Variants in SEL1L3 observed in about 807,000 individuals in gnomAD.
The protein encoded by SEL1L3 is SEL1L family member 3, also known as protein sel-1 homolog 3.
Under a neutral mutation model 142.8 loss-of-function variants are expected in SEL1L3, and 76 were observed. The ratio of observed to expected loss-of-function variants is 0.53; its 90% CI spans 0.44 to 0.64. The LOEUF is 0.64. Among genes scored for constraint, SEL1L3 ranks in the 30% least tolerant of loss-of-function variants. The probability of loss-of-function intolerance (pLI) is 0.00; values close to 1 mark genes in which losing one functional copy is unlikely to be tolerated. For missense variants in SEL1L3, 1,262 were observed against 1,381.7 expected (o/e 0.91, Z 1.37); for synonymous variants, 504 against 519.6 (o/e 0.97, Z 0.41).
intron 1 of SEL1L3, among the ~76,000 whole-genome samples, chr4:25,859,051 C>T (rs1166790258): frequency 3.3e-5 from 5 of 152,170 alleles, no homozygotes; most frequent in East Asian, 1.9e-4. Flanking sequence ...GAGCTTAGAA[C>T]GAACAAAATT....
At chr4:25,781,498 CGTGGTGGTGCACGCCTGT>C (rs1312334648) in intron 15 of SEL1L3, among the ~76,000 whole-genome samples, 1 of 152,040 alleles carries the variant, frequency 6.6e-6, no homozygotes. Context: ...ATTAACCAGG[CGTGGTGGTGCACGCCTGT>C]AATCCCAGTT....
chr4:25,749,776 C>T (rs891789636), intron 23 of SEL1L3, among the ~76,000 whole-genome samples: 1 of 152,242 alleles, frequency 6.6e-6, no homozygotes, highest in Non-Finnish European at 1.5e-5. Flanking sequence ...GCCCAAACTG[C>T]AGCCCATGGG....
chr4:25,776,927 A>C (rs1719674976), intron 16 of SEL1L3, among the ~76,000 whole-genome samples: 1 of 152,116 alleles, frequency 6.6e-6, no homozygotes, highest in African/African-American at 2.4e-5. Context: ...TGACAAATAG[A>C]AAATAAACAG....
intron 3 of SEL1L3, among the ~76,000 whole-genome samples, chr4:25,834,559 G>C (rs1715664285): frequency 6.6e-6 from 1 of 152,182 alleles, no homozygotes; most frequent in African/African-American, 2.4e-5. Flanking sequence ...TATGCAAACA[G>C]ATGGTGCCAC....
chr4:25,729,500 G>T, the SEL1L3 span, among the ~76,000 whole-genome samples: 4 of 152,106 alleles, frequency 2.6e-5, no homozygotes, highest in Non-Finnish European at 4.4e-5. Flanking sequence ...GATCACCTGA[G>T]GTCAGGAGTT....
chr4:25,743,878 T>C (rs1045857192), downstream of SEL1L3, among the ~76,000 whole-genome samples: 9 of 152,136 alleles, frequency 5.9e-5, no homozygotes, highest in African/African-American at 2.2e-4. Context: ...TTGCCTTTAC[T>C]GTGCAGGGTT....
intron 23 of SEL1L3, among the ~76,000 whole-genome samples, chr4:25,748,862 G>A (rs1717411586): frequency 6.6e-6 from 1 of 152,160 alleles, no homozygotes; most frequent in African/African-American, 2.4e-5. Flanking sequence ...TGGCTTTTCT[G>A]GATATATGCG....
chr4:25,801,950 A>T (rs1336024226), intron 11 of SEL1L3, among the ~76,000 whole-genome samples: 2 of 152,160 alleles, frequency 1.3e-5, no homozygotes, highest in Non-Finnish European at 2.9e-5. Flanking sequence ...TCACCATCTC[A>T]TAGGGTATTG....
In SEL1L3 at chr4:25,862,917, C is replaced by T; in HGVS notation, c.-81G>A. 3.1e-6 allele frequency: 3 copies of T among 962,206 alleles called. No homozygotes were observed. Among genetic ancestry groups the T allele is most frequent in the Non-Finnish European group, 3.7e-6 (3 of 807,880 alleles). 59.6% of individuals were successfully genotyped at this position (962,206 alleles called of 1,614,324 possible). On this transcript the variant is annotated 5_prime_UTR_variant, in exon 1 of 24. Coordinates refer to ENST00000399878, the MANE Select transcript of SEL1L3 (RefSeq NM_015187.5). ...CCGCCCGAGGCGCCACCTTCCCGCC[C>T]GCCCCCGGCCGGGCCGGCCGCCGCG... is the stretch of plus-strand genomic sequence containing the variant.
At chr4:25,727,557 A>T in the SEL1L3 span, among the ~76,000 whole-genome samples, 1 of 152,128 alleles carries the variant, frequency 6.6e-6, no homozygotes, top group African/African-American at 2.4e-5. Context: ...TGAAGGCAGG[A>T]CCTTCATATA....
intron 1 of SEL1L3, among the ~76,000 whole-genome samples, chr4:25,855,490 T>A (rs1208824527): frequency 6.6e-6 from 1 of 152,182 alleles, no homozygotes; most frequent in Non-Finnish European, 1.5e-5. Flanking sequence ...GCACGGTGGC[T>A]CATGCCTGTA....
In SEL1L3 at chr4:25,788,395, C is replaced by T. The variant is rs372629113; in HGVS notation, c.2077-31G>A. ...AGATAATAGCAATTTAGAACAATGA[C>T]TTTTCCTGTATAATGCTTAACACAA... On this transcript the variant is annotated intron_variant, in intron 12 of 23. Transcript: ENST00000399878. The surrounding 1 kb of genome is among the most constrained non-coding windows in gnomAD (Gnocchi z 5.3). 4 of 1,611,500 alleles carry T rather than the reference C, an allele frequency of 2.5e-6. No homozygotes were observed. In the African/African-American group the frequency reaches 4.0e-5, roughly 16 times the overall value.
the SEL1L3 span, among the ~76,000 whole-genome samples, chr4:25,738,717 T>A: frequency 6.6e-6 from 1 of 152,238 alleles, no homozygotes; most frequent in African/African-American, 2.4e-5. Flanking sequence ...CTTCAGTTCA[T>A]GGCACATCAT....
chr4:25,781,347 G>A (rs1460635331), intron 15 of SEL1L3, among the ~76,000 whole-genome samples: 5 of 152,020 alleles, frequency 3.3e-5, no homozygotes, highest in Admixed American at 6.6e-5. Context: ...TAAATGTAGC[G>A]GAGCTCAGGA....
chr4:25,717,543 G>A, the SEL1L3 span, among the ~76,000 whole-genome samples: 4 of 152,266 alleles, frequency 2.6e-5, no homozygotes, highest in East Asian at 3.9e-4. Flanking sequence ...GCAGATGCCT[G>A]TAGTCCCAGC....
At chr4:25,784,348 C>A in intron 13 of SEL1L3, 58 bp from the exon 14 acceptor site, 1 of 1,297,242 alleles carries the variant, frequency 7.7e-7, no homozygotes. Context: ...TGCACACATA[C>A]AGACACTTTA....
chr4:25,787,999 A>G (rs1392938324), intron 13 of SEL1L3, among the ~76,000 whole-genome samples: 1 of 152,234 alleles, frequency 6.6e-6, no homozygotes, highest in East Asian at 1.9e-4. Flanking sequence ...TTGCGAAAGC[A>G]CAGAGAATCC....
At chr4:25,727,139 G>A in the SEL1L3 span, among the ~76,000 whole-genome samples, 5 of 151,172 alleles carry the variant, frequency 3.3e-5, no homozygotes, top group African/African-American at 7.3e-5. Context: ...TGCAACCTCC[G>A]CCTCCCGGGT....
the SEL1L3 span, among the ~76,000 whole-genome samples, chr4:25,725,427 T>C: frequency 6.6e-6 from 1 of 151,672 alleles, no homozygotes; most frequent in Admixed American, 6.6e-5. Context: ...GCAATTCTCC[T>C]GCCTCCGCCT....
Sources: allele counts gnomAD v4.1 joint callset (sites outside exome capture counted in the v4.1 genomes callset), GRCh38; gene constraint gnomAD v4.1.1; non-coding constraint Gnocchi (gnomAD v3.1); transcripts MANE v1.5; gene names NCBI Gene and HGNC (gene_info 2026-07-23, HGNC 2026-07-21).